The following GNA12 variants were observed in gnomAD, a reference collection of about 807,000 sequenced individuals.
GNA12 encodes the protein G protein subunit alpha 12, also known as guanine nucleotide-binding protein subunit alpha-12.
Under a neutral mutation model 26.0 loss-of-function variants are expected in GNA12, and 9 were observed. That is an observed-to-expected ratio of 0.35 (90% confidence interval 0.21 to 0.60). GNA12 has a LOEUF of 0.60. Among genes scored for constraint, GNA12 ranks in the 20% least tolerant of loss-of-function variants. The probability of loss-of-function intolerance (pLI) is 0.78; values close to 1 mark genes in which losing one functional copy is unlikely to be tolerated. For missense variants in GNA12, 405 were observed against 525.8 expected (o/e 0.77, Z 2.25); for synonymous variants, 264 against 219.6 (o/e 1.20, Z -1.79).
intron 2 of GNA12, 90 bp from the exon 3 acceptor site, chr7:2,733,591 G>T: frequency 1.1e-6 from 1 of 947,062 alleles, no homozygotes; most frequent in Non-Finnish European, 1.7e-6. Context: ...AAGAGCAGTG[G>T]CATTTCGCCT....
chr7:2,782,279 A>C (rs914028620), intron 2 of GNA12, among the ~76,000 whole-genome samples: 2 of 152,242 alleles, frequency 1.3e-5, no homozygotes, highest in Non-Finnish European at 2.9e-5. Context: ...AAAACAAAAG[A>C]AAAAAGAGAT....
chr7:2,746,995 A>G (rs1035998298), intron 2 of GNA12, among the ~76,000 whole-genome samples: 2 of 152,244 alleles, frequency 1.3e-5, no homozygotes, highest in African/African-American at 4.8e-5. Flanking sequence ...TGAATAGACC[A>G]ATAACAGGCT....
chr7:2,748,603 A>C (rs1227333270), intron 2 of GNA12, among the ~76,000 whole-genome samples: 1 of 152,214 alleles, frequency 6.6e-6, no homozygotes, highest in Admixed American at 6.5e-5. Flanking sequence ...GGCATGGGCA[A>C]GGACTTCATG....
intron 1 of GNA12, among the ~76,000 whole-genome samples, chr7:2,813,702 G>A (rs894655214): frequency 3.9e-5 from 6 of 152,330 alleles, no homozygotes; most frequent in Admixed American, 2.6e-4. Flanking sequence ...AGGAAACAGC[G>A]TATTCGTTAG....
intron 2 of GNA12, among the ~76,000 whole-genome samples, chr7:2,786,214 G>A (rs564880629): frequency 1.1e-4 from 17 of 152,314 alleles, no homozygotes; most frequent in Non-Finnish European, 1.8e-4. Flanking sequence ...TTTTCATCCC[G>A]TGCTATAATC....
In GNA12 at chr7:2,751,861, AAAC is replaced by A. The variant is rs368703328; in HGVS notation, c.526-18363_526-18361del. 5.2e-3 allele frequency among the ~76,000 whole-genome samples: 787 copies of A among 152,336 alleles called. 7 individuals carry two copies. The highest frequency in any genetic ancestry group is 0.018 in the African/African-American group (734 of 41,564). ...CCTTTAAAAGACTGGATTTGTTCTA[AAAC>A]AACAACAAAACTTCCCCAAAGGAAA... On this transcript the variant is annotated intron_variant, in intron 2 of 3. Transcript: ENST00000275364.
At chr7:2,819,933 T>C (rs149073309) in intron 1 of GNA12, among the ~76,000 whole-genome samples, 53 of 152,266 alleles carry the variant, frequency 3.5e-4, no homozygotes, top group African/African-American at 1.2e-3. Context: ...TGGATGTTTA[T>C]AGCAACATCA....
intron 2 of GNA12, among the ~76,000 whole-genome samples, chr7:2,740,911 G>A (rs529389280): frequency 1.3e-5 from 2 of 152,268 alleles, no homozygotes; most frequent in South Asian, 2.1e-4. Flanking sequence ...CGGGCGTGGT[G>A]GCAGGTGCCT....
intron 2 of GNA12, among the ~76,000 whole-genome samples, chr7:2,760,990 C>T (rs926679270): frequency 6.6e-6 from 1 of 152,220 alleles, no homozygotes; most frequent in African/African-American, 2.4e-5. Flanking sequence ...TGCTCTCAGT[C>T]CTCACAGTTC....
intron 2 of GNA12, chr7:2,762,687 C>CGCT: frequency 6.3e-7 from 1 of 1,583,156 alleles, no homozygotes; most frequent in Non-Finnish European, 8.6e-7. Flanking sequence ...AAAGAAACCA[C>CGCT]GCTGCCCGGG....
chr7:2,776,745 C>T (rs1482625147), intron 2 of GNA12, among the ~76,000 whole-genome samples: 1 of 152,172 alleles, frequency 6.6e-6, no homozygotes, highest in Non-Finnish European at 1.5e-5. Context: ...AACCCCAGTG[C>T]TGGAAGCAGA....
intron 2 of GNA12, among the ~76,000 whole-genome samples, chr7:2,793,322 C>CGGACAGGACGCGAGAGGAAGCAGT (rs1792567636): frequency 6.9e-6 from 1 of 145,860 alleles, no homozygotes; most frequent in African/African-American, 2.7e-5. Flanking sequence ...GAGGAAGCAG[C>CGGACAGGACGCGAGAGGAAGCAGT]GGACAGGACG....
Position 2,729,555 on chromosome 7 carries a change from G to A in GNA12, c.*1626C>T, listed in dbSNP as rs41308332. The A allele has an allele frequency of 0.011, 1,627 of 152,504 alleles. 16 individuals are homozygous for A. The highest frequency in any genetic ancestry group is 0.075 in the Middle Eastern group (22 of 294). The allele number at this position is 152,504 out of a possible 1,614,324, so 9.4% of individuals were successfully genotyped here. A position where few individuals can be genotyped will look rare whatever the true frequency, so the allele number is the denominator to read the frequency against. Reference sequence around the variant, plus strand: ...CGCTGTGCTAACAGGGTGACCCAGAGGCAGGTTTCCCCTCCCTCTTCTGCT... The same window carrying A: ...CGCTGTGCTAACAGGGTGACCCAGAAGCAGGTTTCCCCTCCCTCTTCTGCT... On this transcript the variant is annotated 3_prime_UTR_variant, in exon 4 of 4. Coordinates refer to ENST00000275364, the MANE Select transcript of GNA12 (RefSeq NM_007353.3).
rs1408327769 is a variant in GNA12, at chr7:2,731,888, T to A, written c.577-138A>T. Reference sequence around the variant, plus strand: ...GTTGAACCAGAAACCAAAAGCAAATTTCATTTATAACATTATCAACTGGCC... The same window carrying A: ...GTTGAACCAGAAACCAAAAGCAAATATCATTTATAACATTATCAACTGGCC... On this transcript the variant is annotated intron_variant, in intron 3 of 3. Coordinates refer to ENST00000275364, the MANE Select transcript of GNA12 (RefSeq NM_007353.3). This position sits in a 1 kb window ranked among gnomAD's most constrained non-coding sequence, Gnocchi z 6.0. 1.9e-6 allele frequency: 1 copy of A among 526,734 alleles called. No homozygotes were observed. Among genetic ancestry groups the A allele is most frequent in the Non-Finnish European group, 3.3e-6 (1 of 300,972 alleles). The allele number at this position is 526,734 out of a possible 1,614,324, so 32.6% of individuals were successfully genotyped here.
Position 2,794,977 on chromosome 7 carries a change from C to T in GNA12, c.476G>A (p.Arg159Lys), listed in dbSNP as rs1792620963. 1 of 1,614,204 alleles carries T rather than the reference C, an allele frequency of 6.2e-7. No individual in the cohort carries two copies. Among genetic ancestry groups the T allele is most frequent in the African/African-American group, 1.3e-5 (1 of 75,046 alleles). The change falls in exon 2 of 4, where the codon AGG (arginine) becomes AAG (lysine). Residue 159 changes from arginine (R) to lysine (K), a missense_variant. Arg to Lys is a conservative substitution (Grantham distance 26). Transcript: ENST00000275364. Reference sequence around the variant, plus strand: ...GAAAGCCTCCCTGATGCCAGAATCCCTCCAGAGTGCGCTCAGGGCCGGGAC... The same window carrying T: ...GAAAGCCTCCCTGATGCCAGAATCCTTCCAGAGTGCGCTCAGGGCCGGGAC... ...LYVPALSALW[R>K]DSGIREAFSR...
At chr7:2,842,700 A>C (rs560295781) in intron 1 of GNA12, among the ~76,000 whole-genome samples, 2 of 152,328 alleles carry the variant, frequency 1.3e-5, no homozygotes, top group East Asian at 3.9e-4. Flanking sequence ...CACACAAAAC[A>C]ATTATGCCAC....
rs952238258 is a variant in GNA12 at position 2,729,536 on chromosome 7, G to T, written c.*1645C>A. 6 of 152,418 alleles carry T rather than the reference G, an allele frequency of 3.9e-5. No individual in the cohort carries two copies. Among genetic ancestry groups the T allele is most frequent in the African/African-American group, 1.2e-4 (5 of 41,468 alleles). The allele number at this position is 152,418 out of a possible 1,614,324, so 9.4% of individuals were successfully genotyped here. A position where few individuals can be genotyped will look rare whatever the true frequency, so the allele number is the denominator to read the frequency against. On this transcript the variant is annotated 3_prime_UTR_variant, in exon 4 of 4. Coordinates refer to ENST00000275364, the MANE Select transcript of GNA12 (RefSeq NM_007353.3). ...TGCTGTCTCCCGATGAGAACGCTGT[G>T]CTAACAGGGTGACCCAGAGGCAGGT... is the stretch of plus-strand genomic sequence containing the variant.
At chr7:2,829,802 T>A (rs555994582) in intron 1 of GNA12, among the ~76,000 whole-genome samples, 25 of 152,312 alleles carry the variant, frequency 1.6e-4, no homozygotes, top group South Asian at 4.1e-4. Flanking sequence ...CAGCCTGTTC[T>A]CAGACGTGCT....
At chr7:2,823,341 G>A (rs555100086) in intron 1 of GNA12, among the ~76,000 whole-genome samples, 3 of 152,206 alleles carry the variant, frequency 2.0e-5, no homozygotes, top group East Asian at 3.9e-4. Context: ...TAGCAGTAAG[G>A]GCAAAAGCGT....
Sources: allele counts gnomAD v4.1 joint callset (sites outside exome capture counted in the v4.1 genomes callset), GRCh38; gene constraint gnomAD v4.1.1; non-coding constraint Gnocchi (gnomAD v3.1); transcripts MANE v1.5; gene names NCBI Gene and HGNC (gene_info 2026-07-23, HGNC 2026-07-21).